The following CTNNA3 variants were observed in gnomAD, a reference collection of about 807,000 sequenced individuals.
The protein encoded by CTNNA3 is catenin alpha-3.
In CTNNA3, 76 loss-of-function variants were observed where a neutral mutation model predicts 95.7. That is an observed-to-expected ratio of 0.79 (90% CI 0.66 to 0.96). The LOEUF (loss-of-function observed/expected upper bound fraction) is 0.96. Ranked by LOEUF, CTNNA3 falls within the 40% of genes least tolerant of loss-of-function variation. The pLI is 0.00. For synonymous variants in CTNNA3, 431 were observed against 374.4 expected (o/e 1.15, Z -1.74); for missense variants, 1,191 against 1,089.8 (o/e 1.09, Z -1.31).
intron 12 of CTNNA3, among the ~76,000 whole-genome samples, chr10:66,337,126 G>C (rs2092405987): frequency 6.6e-6 from 1 of 151,990 alleles, no homozygotes; most frequent in African/African-American, 2.4e-5. Context: ...TATTGTTTAT[G>C]TTAACTTCTA....
intron 7 of CTNNA3, among the ~76,000 whole-genome samples, chr10:66,867,530 T>C (rs996240345): frequency 5.3e-5 from 8 of 152,174 alleles, no homozygotes; most frequent in African/African-American, 1.7e-4. Context: ...GTGTTATTTT[T>C]ATGGAGTGTA....
chr10:66,432,934 T>C (rs2093309139), intron 11 of CTNNA3, among the ~76,000 whole-genome samples: 1 of 152,142 alleles, frequency 6.6e-6, no homozygotes, highest in Non-Finnish European at 1.5e-5. Context: ...TTGCTGAGAA[T>C]GATGGTTTCC....
At chr10:66,680,894 G>C (rs1256969223) in intron 9 of CTNNA3, among the ~76,000 whole-genome samples, 1 of 152,072 alleles carries the variant, frequency 6.6e-6, no homozygotes, top group African/African-American at 2.4e-5. Flanking sequence ...AATGATGAGA[G>C]AGGAAGCTAA....
At chr10:67,227,946 G>A (rs999551530) in intron 5 of CTNNA3, among the ~76,000 whole-genome samples, 4 of 152,090 alleles carry the variant, frequency 2.6e-5, no homozygotes, top group African/African-American at 9.7e-5. Flanking sequence ...TCCTGAATTA[G>A]CATTGGGTCA....
intron 5 of CTNNA3, among the ~76,000 whole-genome samples, chr10:67,393,137 A>G (rs1165798742): frequency 1.3e-5 from 2 of 152,210 alleles, no homozygotes; most frequent in African/African-American, 4.8e-5. Context: ...TCAGACCTGC[A>G]GTATGGACTT....
At chr10:66,358,638 C>T (rs910462012) in intron 12 of CTNNA3, among the ~76,000 whole-genome samples, 2 of 152,110 alleles carry the variant, frequency 1.3e-5, no homozygotes, top group South Asian at 2.1e-4. Context: ...ATTTTTCTTT[C>T]AAGGACACAA....
intron 13 of CTNNA3, among the ~76,000 whole-genome samples, chr10:66,149,041 G>A (rs942827393): frequency 2.1e-4 from 31 of 150,402 alleles, no homozygotes; most frequent in East Asian, 7.8e-4. Context: ...ATTTAACTAC[G>A]TAGTTAACAA....
chr10:66,518,538 C>T (rs1211907429), intron 11 of CTNNA3, among the ~76,000 whole-genome samples: 1 of 151,884 alleles, frequency 6.6e-6, no homozygotes, highest in Non-Finnish European at 1.5e-5. Context: ...AAGGAGATAG[C>T]AAATAGACAA....
chr10:66,501,981 A>G (rs752051260), intron 11 of CTNNA3, among the ~76,000 whole-genome samples: 1 of 152,158 alleles, frequency 6.6e-6, no homozygotes, highest in Non-Finnish European at 1.5e-5. Context: ...GTAAGATTAC[A>G]TTGTGATTCT....
chr10:66,580,404 C>CA (rs1212127857), intron 10 of CTNNA3, among the ~76,000 whole-genome samples: 3 of 151,592 alleles, frequency 2.0e-5, no homozygotes, highest in African/African-American at 7.3e-5. Flanking sequence ...AAACATTTAT[C>CA]ATTTCTTTGT....
intron 9 of CTNNA3, among the ~76,000 whole-genome samples, chr10:66,739,781 G>C (rs770966313): frequency 6.6e-6 from 1 of 152,152 alleles, no homozygotes; most frequent in Non-Finnish European, 1.5e-5. Context: ...ATTGAGCTAA[G>C]TCTGATTGGG....
At chr10:65,976,916 T>G (rs1310931096) in intron 16 of CTNNA3, among the ~76,000 whole-genome samples, 3 of 152,192 alleles carry the variant, frequency 2.0e-5, no homozygotes, top group Non-Finnish European at 2.9e-5. Flanking sequence ...TTTCAAACCA[T>G]AGGTTGTCTT....
intron 7 of CTNNA3, among the ~76,000 whole-genome samples, chr10:66,907,341 G>T (rs1846032837): frequency 6.6e-6 from 1 of 151,948 alleles, no homozygotes; most frequent in Non-Finnish European, 1.5e-5. Flanking sequence ...TACTTACTTT[G>T]TAATTTTCCT....
At chr10:66,872,818 G>C (rs913668439) in intron 7 of CTNNA3, among the ~76,000 whole-genome samples, 1 of 152,078 alleles carries the variant, frequency 6.6e-6, no homozygotes, top group Non-Finnish European at 1.5e-5. Context: ...AGTCCCCATA[G>C]GTAGTTTTTC....
At chr10:66,331,338 G>GCTTGCTTGCTTTTTTTTTTTTTTTT (rs1417713676) in intron 12 of CTNNA3, among the ~76,000 whole-genome samples, 2 of 39,110 alleles carry the variant, frequency 5.1e-5, no homozygotes, top group African/African-American at 1.4e-4. Context: ...TTTCCCCATT[G>GCTTGCTTGCTTTTTTTTTTTTTTTT]TTTGTTTTTT....
intron 11 of CTNNA3, among the ~76,000 whole-genome samples, chr10:66,448,006 A>T (rs2131814650): frequency 6.6e-6 from 1 of 152,328 alleles, no homozygotes; most frequent in Admixed American, 6.5e-5. Flanking sequence ...CCCATCAAAA[A>T]GTGGGCGAAG....
At chr10:66,904,140 A>C (rs998328800) in intron 7 of CTNNA3, among the ~76,000 whole-genome samples, 1 of 152,230 alleles carries the variant, frequency 6.6e-6, no homozygotes, top group Non-Finnish European at 1.5e-5. Context: ...GGCAACAGTA[A>C]CCAAAACAGC....
At chr10:66,976,851 TG>T (rs1850065965) in intron 7 of CTNNA3, among the ~76,000 whole-genome samples, 1 of 152,168 alleles carries the variant, frequency 6.6e-6, no homozygotes. Context: ...CCCACGTTTT[TG>T]TTTTTGCTCT....
At chr10:66,206,915 C>T (rs2087795447) in intron 13 of CTNNA3, among the ~76,000 whole-genome samples, 1 of 151,872 alleles carries the variant, frequency 6.6e-6, no homozygotes, top group African/African-American at 2.4e-5. Context: ...CACTCTCCCT[C>T]CTCTAAACTT....
Sources: allele counts gnomAD v4.1 joint callset (sites outside exome capture counted in the v4.1 genomes callset), GRCh38; gene constraint gnomAD v4.1.1; transcripts MANE v1.5; gene names NCBI Gene and HGNC (gene_info 2026-07-23, HGNC 2026-07-21).